The following KIAA0930 variants were observed in gnomAD, a reference collection of about 807,000 sequenced individuals.
KIAA0930 encodes uncharacterized protein KIAA0930.
A neutral mutation model predicts 43.9 loss-of-function variants in KIAA0930; 24 were observed. That is an observed-to-expected ratio of 0.55 (90% CI 0.40 to 0.77). The LOEUF is 0.77. KIAA0930 is among the 30% of genes least tolerant of loss of function. The pLI is 0.00. For missense variants in KIAA0930, 461 were observed against 574.2 expected, an observed-to-expected ratio of 0.80 and a Z score of 2.02; for synonymous variants, 259 against 216.4, an observed-to-expected ratio of 1.20 and a Z score of -1.73.
rs572340518 is a variant in KIAA0930 at position 45,219,072 on chromosome 22, C to T, written c.65-6965G>A. Among the ~76,000 whole-genome samples, 10 of 152,316 alleles carry T rather than the reference C, an allele frequency of 6.6e-5. No homozygotes were observed. The South Asian group carries it at 1.0e-3, about 16-fold the overall frequency. The stretch of plus-strand genomic sequence containing the variant: ...AACTTTTATCTTTCGAGGCATTTCA[C>T]GTGAATCCAATCACAATATGGGATG... On this transcript the variant is annotated intron_variant, in intron 1 of 9. Transcript: ENST00000336156.
intron 8 of KIAA0930, 45 bp from the exon 9 acceptor site, chr22:45,197,993 C>A (rs116816114): frequency 9.3e-5 from 149 of 1,601,960 alleles, no homozygotes; most frequent in Non-Finnish European, 1.2e-4. Flanking sequence ...GCATGGGACG[C>A]GGCGGGAGCA....
chr22:45,205,198 G>A lies in KIAA0930; in HGVS notation c.516+19C>T. 6.3e-7 allele frequency: 1 copy of A among 1,583,402 alleles called. No individual in the cohort carries two copies. Among genetic ancestry groups the A allele is most frequent in the Non-Finnish European group, 8.7e-7 (1 of 1,152,084 alleles). The stretch of plus-strand genomic sequence containing the variant: ...ACGAGAAGGGGAAGCTAAGGAGAGA[G>A]GCCCTGTGCAGAGCTCACCTCCTCG... On this transcript the variant is annotated intron_variant, in intron 5 of 9. Transcript: ENST00000336156.
intron 1 of KIAA0930, among the ~76,000 whole-genome samples, chr22:45,219,584 T>G (rs1775117776): frequency 1.6e-5 from 1 of 63,420 alleles, no homozygotes; most frequent in Non-Finnish European, 3.7e-5. Flanking sequence ...AGGTGATTGT[T>G]TTTTTTTTTT....
intron 1 of KIAA0930, among the ~76,000 whole-genome samples, chr22:45,227,063 C>T (rs900087326): frequency 1.3e-5 from 2 of 152,150 alleles, no homozygotes; most frequent in Non-Finnish European, 2.9e-5. Context: ...CTGCCCGGGC[C>T]CTGAGCCAGG....
At chr22:45,230,359 C>T (rs373483322) in intron 1 of KIAA0930, among the ~76,000 whole-genome samples, 36 of 152,118 alleles carry the variant, frequency 2.4e-4, no homozygotes, top group Admixed American at 6.5e-4. Flanking sequence ...AAATACGACA[C>T]GCTGGCACTT....
At chr22:45,217,478 A>C (rs2083741275) in intron 1 of KIAA0930, among the ~76,000 whole-genome samples, 2 of 151,430 alleles carry the variant, frequency 1.3e-5, no homozygotes, top group South Asian at 4.2e-4. Flanking sequence ...TAACACATGT[A>C]TTTTCTCCAT....
chr22:45,205,939 G>A, intron 2 of KIAA0930, 27 bp from the exon 3 acceptor site: 4 of 1,609,694 alleles, frequency 2.5e-6, no homozygotes, highest in Non-Finnish European at 3.4e-6. Context: ...AGAAGTGAGT[G>A]CCCAGGGCCC....
At chr22:45,221,875 C>G (rs1376243883) in intron 1 of KIAA0930, among the ~76,000 whole-genome samples, 2 of 152,178 alleles carry the variant, frequency 1.3e-5, no homozygotes, top group African/African-American at 4.8e-5. Flanking sequence ...GCTGGGACTA[C>G]AGGCATGCGC....
intron 8 of KIAA0930, among the ~76,000 whole-genome samples, chr22:45,199,501 C>A (rs891941307): frequency 2.2e-4 from 34 of 152,206 alleles, no homozygotes; most frequent in African/African-American, 7.2e-4. Context: ...GAGGGAAGCC[C>A]TCCTCTCTCC....
At chr22:45,218,978 G>C (rs1417931271) in intron 1 of KIAA0930, among the ~76,000 whole-genome samples, 2 of 152,144 alleles carry the variant, frequency 1.3e-5, no homozygotes, top group East Asian at 1.9e-4. Flanking sequence ...CTTTCCAGCC[G>C]AGTGCCAATT....
intron 1 of KIAA0930, among the ~76,000 whole-genome samples, chr22:45,240,172 G>A (rs1035585918): frequency 2.0e-5 from 3 of 152,226 alleles, no homozygotes; most frequent in Admixed American, 6.5e-5. Context: ...CGGGTAGCAG[G>A]AGACAGTGGC....
intron 1 of KIAA0930, among the ~76,000 whole-genome samples, chr22:45,212,653 C>A (rs568298925): frequency 1.3e-5 from 2 of 152,282 alleles, no homozygotes; most frequent in Non-Finnish European, 2.9e-5. Flanking sequence ...CCCTGCCCCA[C>A]GTCTGCGCAG....
chr22:45,205,146 C>T (rs183326145), intron 5 of KIAA0930, 71 bp downstream of exon 5: 25 of 1,287,668 alleles, frequency 1.9e-5, no homozygotes, highest in South Asian at 1.4e-4. Flanking sequence ...GCTAAGGCCG[C>T]GGGGAGAAGC....
chr22:45,219,466 C>T (rs2147754952), intron 1 of KIAA0930, among the ~76,000 whole-genome samples: 1 of 151,906 alleles, frequency 6.6e-6, no homozygotes, highest in South Asian at 2.1e-4. Flanking sequence ...TATGGTAAAG[C>T]CCTGATTAAA....
At chr22:45,229,599 G>A (rs947294000) in intron 1 of KIAA0930, among the ~76,000 whole-genome samples, 1 of 152,192 alleles carries the variant, frequency 6.6e-6, no homozygotes, top group Non-Finnish European at 1.5e-5. Context: ...GGGTCAGGAA[G>A]AGGCCACAGA....
chr22:45,234,270 A>C (rs914571232), intron 1 of KIAA0930, among the ~76,000 whole-genome samples: 1 of 152,256 alleles, frequency 6.6e-6, no homozygotes, highest in East Asian at 1.9e-4. Flanking sequence ...CTCAGCTCCC[A>C]GGCCTCATGG....
At chr22:45,223,533 A>T (rs1017296374) in intron 1 of KIAA0930, among the ~76,000 whole-genome samples, 1 of 152,138 alleles carries the variant, frequency 6.6e-6, no homozygotes, top group African/African-American at 2.4e-5. Context: ...ATCCACGTGA[A>T]GCCTTTAAAA....
At chr22:45,205,480 G>T in intron 4 of KIAA0930, 150 bp downstream of exon 4, 1 of 877,854 alleles carries the variant, frequency 1.1e-6, no homozygotes, top group Non-Finnish European at 1.8e-6. Flanking sequence ...CTCCTCGAAT[G>T]GGATACGGGA....
At chr22:45,240,168 G>C (rs757068052) in intron 1 of KIAA0930, among the ~76,000 whole-genome samples, 1 of 152,232 alleles carries the variant, frequency 6.6e-6, no homozygotes, top group African/African-American at 2.4e-5. Flanking sequence ...GCTTCGGGTA[G>C]CAGGAGACAG....
Sources: allele counts gnomAD v4.1 joint callset (sites outside exome capture counted in the v4.1 genomes callset), GRCh38; gene constraint gnomAD v4.1.1; transcripts MANE v1.5; gene names NCBI Gene and HGNC (gene_info 2026-07-23, HGNC 2026-07-21).